MARCHF4: variants seen among roughly 807,000 people sequenced by gnomAD.
MARCHF4 encodes the protein E3 ubiquitin-protein ligase MARCHF4.
Under a neutral mutation model 43.9 loss-of-function variants are expected in MARCHF4, and 14 were observed. That is an observed-to-expected ratio of 0.32 (90% CI 0.21 to 0.50). MARCHF4 has a LOEUF of 0.50. Among genes scored for constraint, MARCHF4 ranks in the 20% least tolerant of loss-of-function variants. The pLI, the probability that MARCHF4 is intolerant of heterozygous loss-of-function variation, is 0.98. For missense variants in MARCHF4, 468 were observed against 536.7 expected (o/e 0.87, Z 1.27); for synonymous variants, 226 against 213.3 (o/e 1.06, Z -0.52).
chr2:216,353,073 C>T (rs1471902006), intron 1 of MARCHF4, among the ~76,000 whole-genome samples: 1 of 152,194 alleles, frequency 6.6e-6, no homozygotes, highest in African/African-American at 2.4e-5. Flanking sequence ...ATCCTGTGGT[C>T]TGTGAAGCTA....
chr2:216,354,892 T>TTTCTTTCTTTCTTTCTTTCTTTCTTCC (rs1692459140), intron 1 of MARCHF4, among the ~76,000 whole-genome samples: 1 of 30,612 alleles, frequency 3.3e-5, no homozygotes, highest in Non-Finnish European at 5.8e-5. Context: ...TAATAATTGT[T>TTTCTTTCTTTCTTTCTTTCTTTCTTCC]TTCTTTCTTT....
intron 1 of MARCHF4, among the ~76,000 whole-genome samples, chr2:216,309,087 A>G (rs1036906591): frequency 4.6e-5 from 7 of 152,186 alleles, no homozygotes; most frequent in African/African-American, 1.4e-4. Flanking sequence ...CCAATCCCCT[A>G]TAAGCATAAA....
intron 1 of MARCHF4, among the ~76,000 whole-genome samples, chr2:216,293,712 G>A (rs2105946090): frequency 1.1e-5 from 1 of 88,292 alleles, no homozygotes; most frequent in East Asian, 3.1e-4. Flanking sequence ...ACTGGTATAA[G>A]ACAAATGTAC....
In MARCHF4 at chr2:216,283,694, C is replaced by G. The variant is rs876771; in HGVS notation, c.552G>C (p.Ser184=). 8 of 1,611,510 alleles carry G rather than the reference C, an allele frequency of 5.0e-6. No individual in the cohort carries two copies. The highest frequency in any genetic ancestry group is 1.3e-5 in the African/African-American group (1 of 74,846). Residue 184 remains serine, a synonymous_variant, in exon 2 of 4, where the codon TCG becomes TCC. Transcript: ENST00000273067. ...ELLSPCRCDG[S]VKCTHQPCLI... ...GGCAAGGCTGGTGTGTGCACTTGAC[C>G]GAGCCATCACAGCGGCATGGGCTCA...
chr2:216,319,203 G>A lies in MARCHF4; in HGVS notation c.517-35474C>T, dbSNP rs531464647. 2.0e-5 allele frequency among the ~76,000 whole-genome samples: 3 copies of A among 152,248 alleles called. No individual in the cohort carries two copies. The South Asian group carries it at 6.2e-4, about 32-fold the overall frequency. On this transcript the variant is annotated intron_variant, in intron 1 of 3. Coordinates refer to ENST00000273067, the MANE Select transcript of MARCHF4 (RefSeq NM_020814.3). ...GGTGCCTGTAATCCCAGCTATTTGG[G>A]AGGATGAGGCAGGAGAATCGCTTAA...
intron 3 of MARCHF4, among the ~76,000 whole-genome samples, chr2:216,263,714 T>G (rs536425831): frequency 6.9e-4 from 105 of 151,680 alleles, no homozygotes; most frequent in African/African-American, 1.9e-3. Flanking sequence ...ACAGTGTGTG[T>G]GGGGGAAAGA....
chr2:216,347,739 GA>G (rs1692343329), intron 1 of MARCHF4, among the ~76,000 whole-genome samples: 1 of 149,166 alleles, frequency 6.7e-6, no homozygotes, highest in African/African-American at 2.5e-5. Flanking sequence ...AAAAAAAGGG[GA>G]AAAAAAAGAA....
chr2:216,326,920 CCTGCACATTGTGCA>C (rs1692002937), intron 1 of MARCHF4, among the ~76,000 whole-genome samples: 1 of 151,798 alleles, frequency 6.6e-6, no homozygotes. Flanking sequence ...ACGTAACTAA[CCTGCACATTGTGCA>C]CATGCACCCT....
At chr2:216,362,514 A>G (rs1405769146) in intron 1 of MARCHF4, among the ~76,000 whole-genome samples, 2 of 152,228 alleles carry the variant, frequency 1.3e-5, no homozygotes, top group African/African-American at 4.8e-5. Context: ...ATGAAGGAGA[A>G]AAATAATTTG....
At chr2:216,365,188 C>T (rs897349246) in intron 1 of MARCHF4, among the ~76,000 whole-genome samples, 2 of 152,162 alleles carry the variant, frequency 1.3e-5, no homozygotes, top group African/African-American at 4.8e-5. Context: ...CTCCAGATTC[C>T]CCAAGCCCTG....
At chr2:216,307,538 G>GT (rs35397715) in intron 1 of MARCHF4, among the ~76,000 whole-genome samples, 39,928 of 150,802 alleles carry the variant, frequency 0.26, 6,430 homozygotes, top group Non-Finnish European at 0.35. Context: ...TCAAATCAAC[G>GT]TTTTTTTTTG....
intron 1 of MARCHF4, among the ~76,000 whole-genome samples, chr2:216,297,828 C>T (rs559897936): frequency 7.2e-5 from 11 of 152,138 alleles, no homozygotes; most frequent in Non-Finnish European, 1.2e-4. Context: ...AGCCATTCAG[C>T]GGCATTGGTT....
intron 3 of MARCHF4, among the ~76,000 whole-genome samples, chr2:216,276,757 C>A (rs1691029107): frequency 1.3e-5 from 2 of 152,168 alleles, no homozygotes; most frequent in African/African-American, 4.8e-5. Context: ...AGGGGATAAC[C>A]TGAGAGTTCT....
intron 1 of MARCHF4, among the ~76,000 whole-genome samples, chr2:216,336,672 G>T (rs1294031334): frequency 7.2e-6 from 1 of 138,204 alleles, no homozygotes; most frequent in Non-Finnish European, 1.5e-5. Flanking sequence ...AATGGCTTTA[G>T]ATCGATTCAG....
At chr2:216,348,480 G>A (rs1220171207) in intron 1 of MARCHF4, among the ~76,000 whole-genome samples, 2 of 152,160 alleles carry the variant, frequency 1.3e-5, no homozygotes, top group African/African-American at 4.8e-5. Context: ...AGTGACCTCT[G>A]GTTGTCCTCA....
Position 216,370,311 on chromosome 2 carries a change from A to G in MARCHF4, c.-51T>C. On this transcript the variant is annotated 5_prime_UTR_variant, in exon 1 of 4. Coordinates refer to ENST00000273067, the MANE Select transcript of MARCHF4 (RefSeq NM_020814.3). The stretch of plus-strand genomic sequence containing the variant: ...AGAGGGGTGGCTGGAGTCTTAAAAG[A>G]GGGGGACAGGACAGGTTTTGGGGGT... 6.7e-7 allele frequency: 1 copy of G among 1,490,944 alleles called. No homozygotes were observed. The highest frequency in any genetic ancestry group is 9.0e-7 in the Non-Finnish European group (1 of 1,117,280). The allele number at this position is 1,490,944 out of a possible 1,614,324, so 92.4% of individuals were successfully genotyped here. A position where few individuals can be genotyped will look rare whatever the true frequency, so the allele number is the denominator to read the frequency against.
At chr2:216,317,285 C>T (rs903171037) in intron 1 of MARCHF4, among the ~76,000 whole-genome samples, 1 of 152,180 alleles carries the variant, frequency 6.6e-6, no homozygotes, top group African/African-American at 2.4e-5. Flanking sequence ...GTGTATTTAG[C>T]TTTTATCATA....
chr2:216,274,993 T>C (rs894538978), intron 3 of MARCHF4, among the ~76,000 whole-genome samples: 6 of 152,204 alleles, frequency 3.9e-5, no homozygotes, highest in African/African-American at 1.4e-4. Context: ...TCCCTCTGCA[T>C]TCCCTCTCCC....
intron 1 of MARCHF4, among the ~76,000 whole-genome samples, chr2:216,287,160 C>T (rs1691230047): frequency 6.6e-6 from 1 of 152,184 alleles, no homozygotes; most frequent in Non-Finnish European, 1.5e-5. Context: ...AGCCAAGTCT[C>T]CCACCATCAT....
Sources: gnomAD v4.1 joint callset for allele counts (sites outside exome capture counted in the v4.1 genomes callset) on GRCh38, gnomAD v4.1.1 for gene constraint, MANE v1.5 for transcripts, NCBI Gene and HGNC (gene_info 2026-07-23, HGNC 2026-07-21) for gene names.